AFF2: variants seen among roughly 807,000 people sequenced by gnomAD.
AFF2 encodes ALF transcription elongation factor 2, also known as AF4/FMR2 family member 2.
Under a neutral mutation model 76.9 loss-of-function variants are expected in AFF2, and 14 were observed. The ratio of observed to expected loss-of-function variants is 0.18; its 90% CI spans 0.12 to 0.28. AFF2 has a LOEUF of 0.28. AFF2 is among the 10% of genes least tolerant of loss of function. The probability of loss-of-function intolerance (pLI) is 1.00; values close to 1 mark genes in which losing one functional copy is unlikely to be tolerated. For synonymous variants in AFF2, 398 were observed against 366.7 expected (o/e 1.09, Z -0.98); for missense variants, 868 against 1,001.1 (o/e 0.87, Z 1.79).
chrX:148,931,169 G>A (rs781850406), intron 9 of AFF2, among the ~76,000 whole-genome samples: 9 of 99,872 alleles, frequency 9.0e-5, no homozygotes, highest in East Asian at 6.4e-4. Context: ...CAGGAGAACC[G>A]CTTGAACCTG....
intron 9 of AFF2, among the ~76,000 whole-genome samples, chrX:148,941,656 C>T (rs1479974378): frequency 8.9e-6 from 1 of 112,201 alleles, no homozygotes; most frequent in African/African-American, 3.2e-5. Flanking sequence ...AGATACTTTG[C>T]ATTTTGTCAA....
At chrX:148,819,114 TC>T (rs2070299555) in intron 4 of AFF2, among the ~76,000 whole-genome samples, 1 of 111,110 alleles carries the variant, frequency 9.0e-6, no homozygotes, top group Admixed American at 9.6e-5. Context: ...ACTATTATCA[TC>T]CCCTTGTTAG....
chrX:148,578,026 A>C (rs1440057908), intron 1 of AFF2, among the ~76,000 whole-genome samples: 3 of 112,506 alleles, frequency 2.7e-5, no homozygotes, highest in Non-Finnish European at 3.8e-5. Context: ...GCAAATCCCC[A>C]AATTCTTTCT....
rs1557287164 is a variant in AFF2, at chrX:148,955,784, C to T, written c.1739C>T (p.Pro580Leu). 6 of 1,209,807 alleles carry T rather than the reference C, an allele frequency of 5.0e-6. No homozygotes were observed. The highest frequency in any genetic ancestry group is 3.5e-5 in the South Asian group (2 of 56,740). The change falls in exon 11 of 21, where the codon CCA becomes CTA. Residue 580 changes from proline (P) to leucine (L), a missense_variant. By Grantham distance (98) the Pro-to-Leu change is moderately conservative. Transcript: ENST00000370460. The part of the protein sequence containing the change: ...MKVKTNASQV[P>L]AEPKERPLLS... ...GTGAAGACGAATGCCAGTCAGGTCC[C>T]AGCTGAACCCAAAGAAAGGCCTCTC...
At chrX:148,821,137 C>T (rs1390251488) in intron 4 of AFF2, among the ~76,000 whole-genome samples, 3 of 111,633 alleles carry the variant, frequency 2.7e-5, no homozygotes, top group Non-Finnish European at 3.8e-5. Context: ...GAGCTCAGCT[C>T]TTCTCCCTTG....
chrX:148,630,538 G>A (rs939750444), intron 1 of AFF2, among the ~76,000 whole-genome samples: 12 of 111,453 alleles, frequency 1.1e-4, no homozygotes, highest in South Asian at 3.8e-4. Context: ...GCTTGCCTCC[G>A]CCCATTGCCC....
intron 8 of AFF2, among the ~76,000 whole-genome samples, chrX:148,887,701 C>A (rs2071175288): frequency 1.8e-5 from 2 of 111,500 alleles, no homozygotes; most frequent in Non-Finnish European, 3.8e-5. Context: ...TGCCGCTAGT[C>A]ATGATGTCTT....
intron 1 of AFF2, among the ~76,000 whole-genome samples, chrX:148,599,553 G>A (rs1476063125): frequency 9.0e-6 from 1 of 111,052 alleles, no homozygotes; most frequent in Non-Finnish European, 1.9e-5. Context: ...ACAGGCAGAA[G>A]ATATAGGCAA....
At chrX:148,874,075 T>A (rs2071008791) in intron 7 of AFF2, among the ~76,000 whole-genome samples, 1 of 111,429 alleles carries the variant, frequency 9.0e-6, no homozygotes, top group African/African-American at 3.3e-5. Context: ...AATAGCCAAG[T>A]TCTGGGGCAA....
At chrX:148,950,018 G>A (rs1317061125) in intron 9 of AFF2, among the ~76,000 whole-genome samples, 1 of 112,635 alleles carries the variant, frequency 8.9e-6, no homozygotes, top group Non-Finnish European at 1.9e-5. Context: ...TGTAGCAGAA[G>A]TGGAAATTTA....
At chrX:148,796,505 C>T (rs1372978425) in intron 3 of AFF2, among the ~76,000 whole-genome samples, 1 of 112,206 alleles carries the variant, frequency 8.9e-6, no homozygotes, top group Non-Finnish European at 1.9e-5. Context: ...AACCGGGCTT[C>T]GACTTTCTGC....
chrX:148,590,694 T>C (rs190572688), intron 1 of AFF2, among the ~76,000 whole-genome samples: 12 of 112,076 alleles, frequency 1.1e-4, no homozygotes, highest in Non-Finnish European at 1.7e-4. Flanking sequence ...GAGGATAAGA[T>C]AGAAAGGAGC....
intron 3 of AFF2, among the ~76,000 whole-genome samples, chrX:148,807,349 C>T (rs1404422013): frequency 8.9e-6 from 1 of 112,010 alleles, no homozygotes; most frequent in Non-Finnish European, 1.9e-5. Flanking sequence ...TTGTATTGGG[C>T]TTTGCGGATT....
At chrX:148,672,616 G>A (rs781859516) in intron 3 of AFF2, among the ~76,000 whole-genome samples, 1 of 112,011 alleles carries the variant, frequency 8.9e-6, no homozygotes, top group Non-Finnish European at 1.9e-5. Flanking sequence ...CCCTTCTTAG[G>A]TTCATATTTC....
intron 9 of AFF2, among the ~76,000 whole-genome samples, chrX:148,933,560 G>A (rs1166514012): frequency 9.0e-6 from 1 of 111,272 alleles, no homozygotes; most frequent in Admixed American, 9.6e-5. Flanking sequence ...GTGGTGATGA[G>A]CGGTGAAGAG....
intron 9 of AFF2, among the ~76,000 whole-genome samples, chrX:148,936,231 A>G (rs1172400298): frequency 8.9e-6 from 1 of 111,830 alleles, no homozygotes; most frequent in Non-Finnish European, 1.9e-5. Flanking sequence ...AAAAGGTAAG[A>G]TTCCAATATG....
At chrX:148,749,101 C>T (rs1310490653) in intron 3 of AFF2, among the ~76,000 whole-genome samples, 1 of 111,458 alleles carries the variant, frequency 9.0e-6, no homozygotes, top group Non-Finnish European at 1.9e-5. Context: ...AAAGGGGAAA[C>T]CCCAGTACAT....
chrX:148,746,982 G>A (rs1254618051), intron 3 of AFF2, among the ~76,000 whole-genome samples: 1 of 112,239 alleles, frequency 8.9e-6, no homozygotes, highest in Non-Finnish European at 1.9e-5. Context: ...GACTGGGGAC[G>A]GGGTTCCTAG....
intron 1 of AFF2, among the ~76,000 whole-genome samples, chrX:148,625,535 G>A (rs2053916704): frequency 1.8e-5 from 2 of 110,388 alleles, no homozygotes; most frequent in Non-Finnish European, 3.8e-5. Context: ...ACCAATTAGA[G>A]GACACTTCAT....
Sources: allele counts gnomAD v4.1 joint callset (sites outside exome capture counted in the v4.1 genomes callset), GRCh38; gene constraint gnomAD v4.1.1; transcripts MANE v1.5; gene names NCBI Gene and HGNC (gene_info 2026-07-23, HGNC 2026-07-21).